ITSN1: variants seen among roughly 807,000 people sequenced by gnomAD.
The protein encoded by ITSN1 is intersectin 1, also known as intersectin-1.
In ITSN1, 58 loss-of-function variants were observed where a neutral mutation model predicts 239.8. The observed-to-expected ratio is 0.24, with a 90% CI of 0.20 to 0.30. The LOEUF is 0.30. Ranked by LOEUF, ITSN1 falls within the 10% of genes least tolerant of loss-of-function variation. ITSN1 has a pLI of 1.00. For synonymous variants in ITSN1, 780 were observed against 770.8 expected, an observed-to-expected ratio of 1.01 and a Z score of -0.20; for missense variants, 1,558 against 2,103.3, an observed-to-expected ratio of 0.74 and a Z score of 5.07.
rs71194863 is a variant in ITSN1 at position 33,730,388 on chromosome 21, C to CTTTTTTTTTT, written c.186-4637_186-4628dup. On this transcript the variant is annotated intron_variant, in intron 4 of 39. Transcript: ENST00000381318. ...TAACCTGCTATAAATGCTCTCTGTT[C>CTTTTTTTTTT]TTTTTTTTTTTTTTTTTTTTTTTTT... Among the ~76,000 whole-genome samples the CTTTTTTTTTT allele has an allele frequency of 3.2e-4, 16 of 49,368 alleles. 2 individuals are homozygous for CTTTTTTTTTT. Among genetic ancestry groups the CTTTTTTTTTT allele is most frequent in the East Asian group, 1.4e-3 (2 of 1,466 alleles). The allele number at this position is 49,368 out of a possible 152,430, so 32.4% of individuals were successfully genotyped here. A position where few individuals can be genotyped will look rare whatever the true frequency, so the allele number is the denominator to read the frequency against.
chr21:33,695,774 C>T (rs994167949), intron 1 of ITSN1, among the ~76,000 whole-genome samples: 25 of 152,214 alleles, frequency 1.6e-4, no homozygotes, highest in African/African-American at 5.3e-4. Context: ...CAGAAACGTT[C>T]TTTTCTGTAC....
chr21:33,886,001 G>A (rs1332037065), intron 38 of ITSN1, among the ~76,000 whole-genome samples: 6 of 152,074 alleles, frequency 3.9e-5, no homozygotes, highest in African/African-American at 1.4e-4. Flanking sequence ...GAGGTCAGGA[G>A]TTTGAGACCA....
At chr21:33,666,891 T>A (rs1023439494) in intron 1 of ITSN1, among the ~76,000 whole-genome samples, 2 of 152,192 alleles carry the variant, frequency 1.3e-5, no homozygotes, top group African/African-American at 4.8e-5. Context: ...AGCCTCGACT[T>A]CTGGGCACAA....
At chr21:33,759,987 C>T (rs542931029) in intron 8 of ITSN1, among the ~76,000 whole-genome samples, 1 of 151,930 alleles carries the variant, frequency 6.6e-6, no homozygotes, top group African/African-American at 2.4e-5. Context: ...CCTGTAGTCC[C>T]AGCTATTCAG....
chr21:33,777,869 C>T (rs2069767902), intron 14 of ITSN1, among the ~76,000 whole-genome samples: 1 of 152,106 alleles, frequency 6.6e-6, no homozygotes, highest in East Asian at 1.9e-4. Context: ...AGCCTTGTTC[C>T]CTCTCGATGA....
In ITSN1 at chr21:33,892,440, G is replaced by A. The variant is rs944999855; in HGVS notation, c.*4140G>A. 2.0e-5 allele frequency: 3 copies of A among 152,182 alleles called. No homozygotes were observed. The highest frequency in any genetic ancestry group is 4.4e-5 in the Non-Finnish European group (3 of 68,048). 9.4% of individuals were successfully genotyped at this position (152,182 alleles called of 1,614,324 possible). A position where few individuals can be genotyped will look rare whatever the true frequency, so the allele number is the denominator to read the frequency against. On this transcript the variant is annotated 3_prime_UTR_variant, in exon 40 of 40. Coordinates refer to ENST00000381318, the MANE Select transcript of ITSN1 (RefSeq NM_003024.3). ...ATGTTCATTCTCCTCCTTTTCCCTG[G>A]AGTGGACCAGTGAGACCAAATGCTT...
At chr21:33,878,172 A>G (rs1156262704) in intron 34 of ITSN1, among the ~76,000 whole-genome samples, 1 of 152,034 alleles carries the variant, frequency 6.6e-6, no homozygotes, top group Admixed American at 6.6e-5. Flanking sequence ...CTGGGACTAC[A>G]GGCATTGGCC....
intron 29 of ITSN1, among the ~76,000 whole-genome samples, chr21:33,844,006 T>C (rs899558227): frequency 6.6e-6 from 1 of 152,236 alleles, no homozygotes; most frequent in African/African-American, 2.4e-5. Context: ...GTAGGTTGTG[T>C]GCATTTTTAA....
chr21:33,705,021 G>A lies in ITSN1; in HGVS notation c.-32-13776G>A, dbSNP rs151071523. ...AGCTACTTGGGAGGCTGAGGCCGGA[G>A]AATGGCGTGAACCTGGGAGGCAGAG... On this transcript the variant is annotated intron_variant, in intron 1 of 39. Transcript: ENST00000381318. 7.0e-3 allele frequency among the ~76,000 whole-genome samples: 1,037 copies of A among 148,462 alleles called. 8 individuals carry two copies. Among genetic ancestry groups the A allele is most frequent in the Non-Finnish European group, 0.011 (725 of 67,496 alleles).
chr21:33,688,440 G>T (rs778050679), intron 1 of ITSN1, among the ~76,000 whole-genome samples: 9 of 152,198 alleles, frequency 5.9e-5, no homozygotes, highest in Non-Finnish European at 1.3e-4. Context: ...AGGTGGAAGG[G>T]TGATCACAGA....
chr21:33,744,103 A>C (rs58765815), intron 5 of ITSN1, among the ~76,000 whole-genome samples: 200 of 152,288 alleles, frequency 1.3e-3, no homozygotes, highest in African/African-American at 3.7e-3. Flanking sequence ...AGGAGGAGAG[A>C]GTATCGGATG....
intron 31 of ITSN1, among the ~76,000 whole-genome samples, chr21:33,859,945 C>T (rs781228910): frequency 6.6e-6 from 1 of 152,214 alleles, no homozygotes; most frequent in South Asian, 2.1e-4. Context: ...GGGCTCACAT[C>T]CGCTATTGCC....
intron 10 of ITSN1, among the ~76,000 whole-genome samples, chr21:33,766,572 TAAA>T (rs1462506435): frequency 6.6e-6 from 1 of 152,134 alleles, no homozygotes; most frequent in African/African-American, 2.4e-5. Context: ...GCTTTGAACA[TAAA>T]AACTGAATAT....
At chr21:33,672,852 C>T (rs2090375753) in intron 1 of ITSN1, among the ~76,000 whole-genome samples, 1 of 152,152 alleles carries the variant, frequency 6.6e-6, no homozygotes, top group Non-Finnish European at 1.5e-5. Flanking sequence ...GCTGGGACTA[C>T]AGGTGCGTGC....
intron 22 of ITSN1, chr21:33,814,298 G>A: frequency 1.9e-6 from 1 of 513,540 alleles, no homozygotes; most frequent in Non-Finnish European, 3.5e-6. Flanking sequence ...GTTGATGAAG[G>A]AAGCTTCATT....
chr21:33,742,183 G>A (rs892605831), intron 5 of ITSN1, among the ~76,000 whole-genome samples: 8 of 150,682 alleles, frequency 5.3e-5, no homozygotes, highest in South Asian at 4.2e-4. Flanking sequence ...CAGCCTCCCC[G>A]GTAGCTGGGA....
chr21:33,744,751 G>A (rs2067079652), intron 5 of ITSN1, among the ~76,000 whole-genome samples: 2 of 152,180 alleles, frequency 1.3e-5, no homozygotes, highest in Admixed American at 6.5e-5. Flanking sequence ...TGGCCAAAGA[G>A]AGGACAGTTT....
intron 8 of ITSN1, 36 bp from the exon 9 acceptor site, chr21:33,761,887 A>G (rs2068355835): frequency 6.7e-7 from 1 of 1,503,596 alleles, no homozygotes; most frequent in African/African-American, 1.4e-5. Context: ...GTATTTGCTG[A>G]CTCATCTGTA....
At position 33,797,743 on chromosome 21, in the gene ITSN1, T is replaced by C. The variant is rs2071674154; in HGVS notation, c.2182+135T>C. 1.9e-5 allele frequency: 13 copies of C among 677,028 alleles called. No homozygotes were observed. Among genetic ancestry groups the C allele is most frequent in the Non-Finnish European group, 3.1e-5 (12 of 393,196 alleles). 41.9% of individuals were successfully genotyped at this position (677,028 alleles called of 1,614,324 possible). ...GAACGTCAGTCTCTTATTTTGAGCA[T>C]GGCCAGCTCTTCTTTCCCCAGGGTC... On this transcript the variant is annotated intron_variant, in intron 18 of 39. Coordinates refer to ENST00000381318, the MANE Select transcript of ITSN1 (RefSeq NM_003024.3). The surrounding 1 kb of genome is among the most constrained non-coding windows in gnomAD (Gnocchi z 4.9).
Sources: gnomAD v4.1 joint callset for allele counts (sites outside exome capture counted in the v4.1 genomes callset) on GRCh38, gnomAD v4.1.1 for gene constraint, Gnocchi (gnomAD v3.1) non-coding constraint, MANE v1.5 for transcripts, NCBI Gene and HGNC (gene_info 2026-07-23, HGNC 2026-07-21) for gene names.